MEG3: variants seen among roughly 807,000 people sequenced by gnomAD.
The protein encoded by MEG3 is Very putative protein from MEG3 locus.
intron 3 of MEG3, chr14:100,850,061 A>G (rs2139993073): frequency 6.6e-6 from 1 of 152,386 alleles, no homozygotes; most frequent in Admixed American, 6.5e-5. Flanking sequence ...AATGCGGGGA[A>G]GAAAGATTGC....
At chr14:100,836,279 C>T in exon 2 of MEG3, 1 of 456,624 alleles carries the variant, frequency 2.2e-6, no homozygotes, top group South Asian at 1.5e-5. Flanking sequence ...TGGCGGGCCT[C>T]TCGTCTCCTT....
At chr14:100,836,754 G>C (rs1323553145) in intron 2 of MEG3, among the ~76,000 whole-genome samples, 1 of 152,224 alleles carries the variant, frequency 6.6e-6, no homozygotes, top group Non-Finnish European at 1.5e-5. Context: ...CTTTCCACCA[G>C]CCATGGTAGC....
At chr14:100,858,857 TC>T (rs2038319432) in exon 1 of MEG3, 1 of 152,746 alleles carries the variant, frequency 6.5e-6, no homozygotes, top group African/African-American at 2.4e-5. Context: ...AGGGAGCCCC[TC>T]CCAGGAGATT....
At chr14:100,852,374 A>T (rs771936255), upstream of MEG3, 1 of 534,018 alleles carries the variant, frequency 1.9e-6, no homozygotes, top group Non-Finnish European at 3.8e-6. Context: ...GGCGGAGGAC[A>T]TGGAATTCAT....
chr14:100,855,920 C>T, upstream of MEG3: 1 of 152,216 alleles, frequency 6.6e-6, no homozygotes, highest in East Asian at 1.9e-4. Context: ...ACTGTGTTCC[C>T]TGGGTGCTCA....
chr14:100,838,283 CAG>C (rs1189896705), intron 2 of MEG3, among the ~76,000 whole-genome samples: 2 of 152,158 alleles, frequency 1.3e-5, no homozygotes, highest in East Asian at 1.9e-4. Context: ...CCCTGGCTCT[CAG>C]GGGTTGAAAT....
chr14:100,836,536 C>G (rs926590885), intron 2 of MEG3, among the ~76,000 whole-genome samples: 1 of 152,144 alleles, frequency 6.6e-6, no homozygotes, highest in Middle Eastern at 3.4e-3. Flanking sequence ...TGCTGTGGGC[C>G]GGCGACGGTA....
chr14:100,853,654 A>T, upstream of MEG3: 1 of 151,662 alleles, frequency 6.6e-6, no homozygotes. Flanking sequence ...ATGAATCTTC[A>T]TAACCTCACT....
In MEG3 at chr14:100,845,110, A is replaced by G. The variant is rs1036752887; in HGVS notation, n.3046-348A>G. ...CTGGGCACCTTGCTTCTGCCAGAGC[A>G]CAGGTTCATGCCCTGTCTTCAGGGC... On this transcript the variant is annotated intron_variant and non_coding_transcript_variant, in intron 2 of 3. Transcript: ENST00000398461. The surrounding 1 kb of genome is among the most constrained non-coding windows in gnomAD (Gnocchi z 5.2). Among the ~76,000 whole-genome samples the G allele has an allele frequency of 1.3e-5, 2 of 152,158 alleles. No individual in the cohort carries two copies. The highest frequency in any genetic ancestry group is 2.4e-5 in the African/African-American group (1 of 41,436).
chr14:100,857,349 C>G (rs910190449), exon 1 of MEG3: 2 of 152,214 alleles, frequency 1.3e-5, no homozygotes, highest in Admixed American at 1.3e-4. Context: ...CCATAGGTCA[C>G]CTGAAAGCCT....
chr14:100,837,673 C>G lies in MEG3; in HGVS notation n.3045+1373C>G, dbSNP rs901822095. Among the ~76,000 whole-genome samples the G allele has an allele frequency of 6.6e-6, 1 of 152,072 alleles. No homozygotes were observed. Among genetic ancestry groups the G allele is most frequent in the Admixed American group, 6.5e-5 (1 of 15,272 alleles). ...CAGGCCTCCGCCCTCCGCCACCCCC[C>G]ACCCCCGGAGTGTCTCTGGTTTCCG... On this transcript the variant is annotated intron_variant and non_coding_transcript_variant, in intron 2 of 3. Coordinates refer to the MEG3 transcript ENST00000398461. This position sits in a 1 kb window ranked among gnomAD's most constrained non-coding sequence, Gnocchi z 5.8.
intron 3 of MEG3, chr14:100,848,994 C>G (rs1056900994): frequency 3.9e-5 from 6 of 152,046 alleles, no homozygotes; most frequent in Non-Finnish European, 7.4e-5. Flanking sequence ...AGAGGAGTGA[C>G]CTGAATAGAA....
downstream of MEG3, chr14:100,830,769 G>C (rs868020817): frequency 2.0e-5 from 3 of 152,094 alleles, 1 homozygote; most frequent in Non-Finnish European, 4.4e-5. Context: ...AGTTTTGTCC[G>C]GACAAGACAA....
chr14:100,831,646 C>A (rs149227737), downstream of MEG3: 1 of 152,368 alleles, frequency 6.6e-6, no homozygotes, highest in Non-Finnish European at 1.5e-5. Flanking sequence ...ACTTCTGTGT[C>A]TTTACACTCC....
chr14:100,836,239 G>T, exon 2 of MEG3: 1 of 456,646 alleles, frequency 2.2e-6, no homozygotes, highest in Non-Finnish European at 4.4e-6. Context: ...CCCTGATGGG[G>T]CCCACCATCC....
At chr14:100,849,092 T>C (rs1466498396) in intron 3 of MEG3, 1 of 151,820 alleles carries the variant, frequency 6.6e-6, no homozygotes, top group Non-Finnish European at 1.5e-5. Context: ...GGAGAGAATA[T>C]GGAAACGTAT....
intron 3 of MEG3, chr14:100,846,406 G>T (rs538189210): frequency 6.6e-6 from 1 of 152,320 alleles, no homozygotes; most frequent in East Asian, 1.9e-4. Flanking sequence ...AGAAGGATCT[G>T]GGAGTAAACT....
In MEG3 at chr14:100,851,987, T is replaced by G. The variant is rs149936213; in HGVS notation, n.3121+6454T>G. 2,825 of 210,630 alleles carry G rather than the reference T, an allele frequency of 0.013. 35 individuals carry two copies. The highest frequency in any genetic ancestry group is 0.021 in the Non-Finnish European group (2,111 of 101,194). 13.0% of individuals were successfully genotyped at this position (210,630 alleles called of 1,614,324 possible). ...CCTTGTTGACCTCTCAATTCCTATT[T>G]GGGACATATAAAAACACTGGATTCT... is the stretch of plus-strand genomic sequence containing the variant. On this transcript the variant is annotated intron_variant and non_coding_transcript_variant, in intron 3 of 3. Transcript: ENST00000398461.
exon 2 of MEG3, chr14:100,860,772 T>C: frequency 2.2e-6 from 1 of 453,270 alleles, no homozygotes; most frequent in South Asian, 1.6e-5. Context: ...GGCCTCCCCT[T>C]GAGTAGAGAC....
Sources: gnomAD v4.1 joint callset for allele counts (sites outside exome capture counted in the v4.1 genomes callset) on GRCh38, gnomAD v4.1.1 for gene constraint, Gnocchi (gnomAD v3.1) non-coding constraint, MANE v1.5 for transcripts, NCBI Gene and HGNC (gene_info 2026-07-23, HGNC 2026-07-21) for gene names.